Variants in SERGEF observed in about 807,000 individuals in gnomAD.
The protein encoded by SERGEF is secretion-regulating guanine nucleotide exchange factor.
A neutral mutation model predicts 50.0 loss-of-function variants in SERGEF; 51 were observed. That is an observed-to-expected ratio of 1.02 (90% CI 0.81 to 1.29). The LOEUF (loss-of-function observed/expected upper bound fraction) is 1.29, where lower values mean the gene tolerates loss of function less well. Ranked by LOEUF, SERGEF falls within the 50% of genes most tolerant of loss-of-function variation. The pLI is 0.00. For synonymous variants in SERGEF, 205 were observed against 212.4 expected (o/e 0.97, Z 0.30); for missense variants, 521 against 557.0 (o/e 0.94, Z 0.65).
chr11:17,828,778 C>T (rs1312871198), intron 10 of SERGEF, among the ~76,000 whole-genome samples: 2 of 152,166 alleles, frequency 1.3e-5, no homozygotes, highest in Non-Finnish European at 2.9e-5. Flanking sequence ...TCCTTCACCT[C>T]CAACCCAGAA....
chr11:17,812,872 C>T (rs1849899755), intron 10 of SERGEF, among the ~76,000 whole-genome samples: 2 of 152,196 alleles, frequency 1.3e-5, no homozygotes, highest in Admixed American at 6.5e-5. Context: ...CAACCTCCTT[C>T]TGGTTTATGG....
chr11:17,981,611 A>G (rs211117), intron 8 of SERGEF, among the ~76,000 whole-genome samples: 146,357 of 152,266 alleles, frequency 0.96, 70,609 homozygotes, highest in South Asian at 1. Flanking sequence ...ACTTTATAGT[A>G]ATAAAGGTGG....
Position 17,988,597 on chromosome 11 carries a change from C to T in SERGEF, c.844G>A (p.Glu282Lys). The T allele has an allele frequency of 6.2e-7, 1 of 1,613,862 alleles. No homozygotes were observed. The highest frequency in any genetic ancestry group is 8.5e-7 in the Non-Finnish European group (1 of 1,179,936). ...CGTAAGTTCTCTGCTACTGTCTCAC[C>T]TGTCTGAGCAACCAGGTGTGTCCAT... ...SGWTHLVAQT[E>K]TGKMFTWGRA... Residue 282 changes from glutamate (E) to lysine (K), a missense_variant and splice_region_variant, in exon 8 of 11, where the codon GAA (glutamate) becomes AAA (lysine). Physicochemically the swap from Glu to Lys is moderately conservative, Grantham distance 56. Coordinates refer to ENST00000265965, the MANE Select transcript of SERGEF (RefSeq NM_012139.4).
At chr11:17,833,662 G>C (rs568453413) in intron 10 of SERGEF, among the ~76,000 whole-genome samples, 1 of 152,192 alleles carries the variant, frequency 6.6e-6, no homozygotes, top group Non-Finnish European at 1.5e-5. Context: ...CACAGGGGTG[G>C]AGCTGCTCAG....
intron 4 of SERGEF, 104 bp downstream of exon 4, chr11:18,004,337 G>T: frequency 1.3e-6 from 1 of 752,352 alleles, no homozygotes; most frequent in Non-Finnish European, 2.1e-6. Flanking sequence ...CTACTCCATG[G>T]GTTCTCAGGG....
intron 10 of SERGEF, among the ~76,000 whole-genome samples, chr11:17,795,012 T>G (rs1470331333): frequency 3.3e-5 from 5 of 152,156 alleles, no homozygotes; most frequent in South Asian, 4.1e-4. Context: ...GAGGGAGAGA[T>G]AGGCACAAGA....
In SERGEF at chr11:17,962,677, G is replaced by A. The variant is rs372233641; in HGVS notation, c.845-3041C>T. Among the ~76,000 whole-genome samples the A allele has an allele frequency of 8.5e-5, 13 of 152,272 alleles. No homozygotes were observed. In the East Asian group the frequency reaches 1.5e-3, roughly 18 times the overall value. On this transcript the variant is annotated intron_variant, in intron 8 of 10. Coordinates refer to ENST00000265965, the MANE Select transcript of SERGEF (RefSeq NM_012139.4). ...AATAACTACAGAGCCAAGAAGTATA[G>A]ACTGCAAAAGATATCAACGTACCAC...
At chr11:17,979,783 A>G (rs1853455548) in intron 8 of SERGEF, among the ~76,000 whole-genome samples, 1 of 152,200 alleles carries the variant, frequency 6.6e-6, no homozygotes, top group South Asian at 2.1e-4. Context: ...GGCCTCTATC[A>G]TCGCACATCT....
At chr11:17,889,855 A>G (rs998558289) in intron 9 of SERGEF, among the ~76,000 whole-genome samples, 1 of 152,160 alleles carries the variant, frequency 6.6e-6, no homozygotes, top group African/African-American at 2.4e-5. Context: ...GTTAAGCAAA[A>G]TTAATCTGTG....
intron 7 of SERGEF, 120 bp from the exon 8 acceptor site, chr11:17,988,875 G>T: frequency 1.1e-6 from 1 of 924,922 alleles, no homozygotes; most frequent in Non-Finnish European, 1.6e-6. Flanking sequence ...AGACTACAAG[G>T]TTGAGTGGAG....
rs139823943 is a variant in SERGEF at position 18,004,478 on chromosome 11, T to C, written c.410A>G (p.His137Arg). Reference sequence around the variant, plus strand: ...GGGAACCACACATCTTCGAGGTCCATGAGGAACTCCTAACTGGCCAAAGGA... The same window carrying C: ...GGGAACCACACATCTTCGAGGTCCACGAGGAACTCCTAACTGGCCAAAGGA... ...SNSFGQLGVP[H>R]GPRRCVVPQA... The change falls in exon 4 of 11, where the codon CAT (histidine) becomes CGT (arginine). Residue 137 changes from histidine to arginine, a missense_variant. His to Arg is a conservative substitution (Grantham distance 29). Transcript: ENST00000265965. The C allele has an allele frequency of 9.2e-5, 148 of 1,614,000 alleles. No individual in the cohort carries two copies. The African/African-American group carries it at 1.6e-3, about 18-fold the overall frequency.
chr11:18,006,528 T>A, intron 3 of SERGEF, 63 bp downstream of exon 3: 1 of 1,475,992 alleles, frequency 6.8e-7, no homozygotes, highest in Non-Finnish European at 9.3e-7. Flanking sequence ...GCAGTCACCA[T>A]CATCATACTG....
At chr11:17,995,650 A>G in intron 6 of SERGEF, 146 bp downstream of exon 6, 1 of 626,752 alleles carries the variant, frequency 1.6e-6, no homozygotes, top group East Asian at 2.8e-5. Flanking sequence ...AAACAATGCC[A>G]GCAAGACTAA....
chr11:18,003,948 G>C (rs1026673266), intron 4 of SERGEF, among the ~76,000 whole-genome samples: 2 of 152,116 alleles, frequency 1.3e-5, no homozygotes, highest in African/African-American at 4.8e-5. Flanking sequence ...TATGGTATGT[G>C]AATTACAGCT....
chr11:17,892,060 A>G (rs910510340), intron 9 of SERGEF, among the ~76,000 whole-genome samples: 1 of 152,244 alleles, frequency 6.6e-6, no homozygotes, highest in Non-Finnish European at 1.5e-5. Flanking sequence ...AGCTTTTTCC[A>G]GAAAAACACT....
At chr11:17,911,318 TTATATATATTA>T (rs915687728) in intron 9 of SERGEF, among the ~76,000 whole-genome samples, 25 of 146,590 alleles carry the variant, frequency 1.7e-4, no homozygotes, top group South Asian at 6.4e-4. Context: ...TTGAGGTATT[TTATATATATTA>T]TATATATATT....
chr11:17,915,663 G>A lies in SERGEF; in HGVS notation c.1012-37419C>T, dbSNP rs535492715. ...AACAGTCTTTGCTGATGACTCAAGCGTGGTACATTTCACAGACAATCTCAC... is the reference window on the plus strand; with the variant it reads ...AACAGTCTTTGCTGATGACTCAAGCATGGTACATTTCACAGACAATCTCAC... On this transcript the variant is annotated intron_variant, in intron 9 of 10. Transcript: ENST00000265965. 3.9e-4 allele frequency among the ~76,000 whole-genome samples: 59 copies of A among 152,274 alleles called. 1 individual carries two copies. In the South Asian group the frequency reaches 0.01, roughly 26 times the overall value.
At chr11:17,955,072 T>C (rs1852838910) in intron 9 of SERGEF, among the ~76,000 whole-genome samples, 1 of 152,264 alleles carries the variant, frequency 6.6e-6, no homozygotes, top group Admixed American at 6.5e-5. Context: ...GTAGGCATCC[T>C]GATTGCATCA....
At chr11:17,870,826 C>G (rs1432866790) in intron 10 of SERGEF, among the ~76,000 whole-genome samples, 1 of 152,066 alleles carries the variant, frequency 6.6e-6, no homozygotes, top group East Asian at 1.9e-4. Context: ...TGCTAGATAT[C>G]AAGATTTATT....
Sources: gnomAD v4.1 joint callset for allele counts (sites outside exome capture counted in the v4.1 genomes callset) on GRCh38, gnomAD v4.1.1 for gene constraint, MANE v1.5 for transcripts, NCBI Gene and HGNC (gene_info 2026-07-23, HGNC 2026-07-21) for gene names.